FMN1: variants seen among roughly 807,000 people sequenced by gnomAD.
FMN1 encodes the protein formin 1, also known as formin-1.
Under a neutral mutation model 132.4 loss-of-function variants are expected in FMN1, and 110 were observed. That is an observed-to-expected ratio of 0.83 (90% CI 0.71 to 0.97). The LOEUF (loss-of-function observed/expected upper bound fraction) is 0.97, where lower values mean the gene tolerates loss of function less well. FMN1 is among the 50% of genes least tolerant of loss of function. The probability of loss-of-function intolerance (pLI) is 0.00; values close to 1 mark genes in which losing one functional copy is unlikely to be tolerated. For synonymous variants in FMN1, 722 were observed against 651.7 expected, an observed-to-expected ratio of 1.11 and a Z score of -1.64; for missense variants, 1,792 against 1,705.3, an observed-to-expected ratio of 1.05 and a Z score of -0.90.
At chr15:32,933,819 T>A (rs1231353985) in intron 9 of FMN1, among the ~76,000 whole-genome samples, 4 of 152,186 alleles carry the variant, frequency 2.6e-5, no homozygotes, top group South Asian at 2.1e-4. Context: ...TTGGTTTTTT[T>A]AAATTAACTC....
chr15:33,116,300 T>G (rs1055907367), intron 4 of FMN1, among the ~76,000 whole-genome samples: 1 of 152,214 alleles, frequency 6.6e-6, no homozygotes, highest in African/African-American at 2.4e-5. Context: ...TGGTTCACAT[T>G]AATCTGTGCT....
intron 6 of FMN1, among the ~76,000 whole-genome samples, chr15:33,020,700 C>T (rs1355494518): frequency 1.3e-5 from 2 of 151,492 alleles, no homozygotes; most frequent in South Asian, 4.2e-4. Context: ...TGCTCAGTGT[C>T]TCCGTGTGCC....
chr15:33,005,676 G>A (rs1271112947), intron 7 of FMN1, among the ~76,000 whole-genome samples: 3 of 152,148 alleles, frequency 2.0e-5, no homozygotes, highest in Admixed American at 2.0e-4. Flanking sequence ...CGCCAGGCTG[G>A]TCTACAGTTT....
intron 11 of FMN1, 28 bp downstream of exon 11, chr15:32,910,446 A>T: frequency 6.6e-7 from 1 of 1,522,536 alleles, no homozygotes. Flanking sequence ...ATATGGAAAT[A>T]CTAGCTCTGT....
In FMN1 at chr15:32,796,472, C is replaced by T. The variant is rs117412841; in HGVS notation, c.4130+2332G>A. On this transcript the variant is annotated intron_variant, in intron 19 of 20. Coordinates refer to ENST00000616417, the MANE Select transcript of FMN1 (RefSeq NM_001277313.2). Reference sequence around the variant, plus strand: ...GTTATGAATTTTATTTTTTAGGATGCCCTTGTTAATGATGTTATGTTGTCT... The same window carrying T: ...GTTATGAATTTTATTTTTTAGGATGTCCTTGTTAATGATGTTATGTTGTCT... 4.6e-3 allele frequency among the ~76,000 whole-genome samples: 701 copies of T among 152,080 alleles called. 32 individuals are homozygous for T. The East Asian group carries it at 0.11, about 23-fold the overall frequency.
At chr15:32,951,424 GA>G (rs2061650647) in intron 9 of FMN1, among the ~76,000 whole-genome samples, 1 of 148,966 alleles carries the variant, frequency 6.7e-6, no homozygotes. Context: ...GCCCCAGTGG[GA>G]CACACACACA....
chr15:33,088,417 T>C (rs917703986), intron 5 of FMN1, among the ~76,000 whole-genome samples: 5 of 152,198 alleles, frequency 3.3e-5, no homozygotes, highest in African/African-American at 1.2e-4. Flanking sequence ...GGATTTCACT[T>C]GAGAATCCAG....
chr15:32,815,032 T>TC (rs2058011695), intron 17 of FMN1, among the ~76,000 whole-genome samples: 1 of 152,082 alleles, frequency 6.6e-6, no homozygotes, highest in Admixed American at 6.6e-5. Flanking sequence ...AAGCTCCGCC[T>TC]CCCGGGTTCA....
intron 6 of FMN1, among the ~76,000 whole-genome samples, chr15:33,049,022 A>G (rs2036846913): frequency 6.6e-6 from 1 of 152,222 alleles, no homozygotes. Context: ...CGGTTAAAGG[A>G]TTGTTTTAAA....
At chr15:32,978,283 C>T (rs2032374723) in intron 7 of FMN1, among the ~76,000 whole-genome samples, 1 of 152,172 alleles carries the variant, frequency 6.6e-6, no homozygotes, top group South Asian at 2.1e-4. Flanking sequence ...TTGAAATCTG[C>T]ACTGAGGTTT....
rs146398728 is a variant in FMN1, at chr15:32,924,999, C to T, written c.3226+1175G>A. On this transcript the variant is annotated intron_variant, in intron 10 of 20. Transcript: ENST00000616417. ...GAGAAAGGGGAGTATTGTTTTCATGCGAGACACAGATTTTGAAAAGGTATC... is the reference window on the plus strand; with the variant it reads ...GAGAAAGGGGAGTATTGTTTTCATGTGAGACACAGATTTTGAAAAGGTATC... 1.1e-4 allele frequency among the ~76,000 whole-genome samples: 16 copies of T among 152,246 alleles called. No homozygotes were observed. The East Asian group carries it at 2.5e-3, about 24-fold the overall frequency.
chr15:32,983,531 C>A (rs998790435), intron 7 of FMN1, among the ~76,000 whole-genome samples: 5 of 152,050 alleles, frequency 3.3e-5, no homozygotes, highest in Non-Finnish European at 7.4e-5. Flanking sequence ...ATCGAAAAAA[C>A]CTCTTAAAGA....
chr15:32,881,540 G>C (rs1596165268), intron 16 of FMN1, among the ~76,000 whole-genome samples: 1 of 152,236 alleles, frequency 6.6e-6, no homozygotes, highest in South Asian at 2.1e-4. Flanking sequence ...TTCCACCAAA[G>C]TCCTCCAAAA....
At chr15:33,139,869 G>A (rs1035042492) in intron 4 of FMN1, among the ~76,000 whole-genome samples, 2 of 152,030 alleles carry the variant, frequency 1.3e-5, no homozygotes, top group Non-Finnish European at 2.9e-5. Flanking sequence ...TTTAAGAGGC[G>A]ACAAATACCA....
At chr15:33,103,990 A>G (rs1478721341) in intron 4 of FMN1, among the ~76,000 whole-genome samples, 1 of 152,062 alleles carries the variant, frequency 6.6e-6, no homozygotes, top group Non-Finnish European at 1.5e-5. Context: ...TCAATTTACT[A>G]AAAGAAAATT....
At chr15:32,960,758 G>A (rs1343437128) in intron 9 of FMN1, among the ~76,000 whole-genome samples, 5 of 152,082 alleles carry the variant, frequency 3.3e-5, no homozygotes, top group Non-Finnish European at 7.4e-5. Context: ...CATTTTGGGA[G>A]GGTGAGGTGG....
chr15:32,850,079 C>G (rs903003061), intron 17 of FMN1, among the ~76,000 whole-genome samples: 1 of 152,194 alleles, frequency 6.6e-6, no homozygotes, highest in Non-Finnish European at 1.5e-5. Context: ...TCGGTATTTT[C>G]TTGAGTAGCA....
chr15:33,046,855 A>T (rs1414098260), intron 6 of FMN1, among the ~76,000 whole-genome samples: 1 of 152,126 alleles, frequency 6.6e-6, no homozygotes, highest in Non-Finnish European at 1.5e-5. Context: ...GTCAAGCTGT[A>T]GCCAATCTGG....
intron 8 of FMN1, among the ~76,000 whole-genome samples, chr15:32,967,989 A>C (rs1002389266): frequency 2.6e-5 from 4 of 152,268 alleles, no homozygotes; most frequent in Admixed American, 2.6e-4. Flanking sequence ...AGAACAAATC[A>C]CACTCAAATC....
Sources: gnomAD v4.1 joint callset for allele counts (sites outside exome capture counted in the v4.1 genomes callset) on GRCh38, gnomAD v4.1.1 for gene constraint, MANE v1.5 for transcripts, NCBI Gene and HGNC (gene_info 2026-07-23, HGNC 2026-07-21) for gene names.